Variants in SGCZ observed in about 807,000 individuals in gnomAD.
SGCZ encodes sarcoglycan zeta, also known as zeta-sarcoglycan.
In SGCZ, 40 loss-of-function variants were observed where a neutral mutation model predicts 41.3. The observed-to-expected ratio is 0.97, with a 90% CI of 0.75 to 1.26. The LOEUF is 1.26. SGCZ is among the 50% of genes most tolerant of loss of function. The pLI is 0.00. For synonymous variants in SGCZ, 206 were observed against 137.5 expected, an observed-to-expected ratio of 1.50 and a Z score of -3.49; for missense variants, 552 against 369.8, an observed-to-expected ratio of 1.49 and a Z score of -4.04.
At chr8:14,711,690 A>T (rs1019003029) in intron 1 of SGCZ, among the ~76,000 whole-genome samples, 6 of 151,424 alleles carry the variant, frequency 4.0e-5, no homozygotes, top group Non-Finnish European at 7.4e-5. Context: ...AATAAGTCAT[A>T]TTTACCATGT....
At chr8:14,224,570 T>A (rs1462905115) in intron 4 of SGCZ, among the ~76,000 whole-genome samples, 1 of 151,994 alleles carries the variant, frequency 6.6e-6, no homozygotes, top group Non-Finnish European at 1.5e-5. Flanking sequence ...GAAAGCTCAA[T>A]TATGCTAAAA....
intron 1 of SGCZ, among the ~76,000 whole-genome samples, chr8:15,163,898 G>A (rs549536235): frequency 2.0e-5 from 3 of 152,178 alleles, no homozygotes; most frequent in African/African-American, 7.2e-5. Context: ...GGTGTCCTCA[G>A]AGAAACTCCA....
At chr8:14,299,671 G>A (rs1402604257) in intron 3 of SGCZ, among the ~76,000 whole-genome samples, 1 of 151,784 alleles carries the variant, frequency 6.6e-6, no homozygotes, top group African/African-American at 2.4e-5. Context: ...GTGTTGGCAA[G>A]GTTGTAGAGC....
chr8:14,191,423 G>GT (rs1298900520), intron 4 of SGCZ, among the ~76,000 whole-genome samples: 13 of 152,176 alleles, frequency 8.5e-5, no homozygotes, highest in Non-Finnish European at 1.6e-4. Context: ...ATGTCAAAGA[G>GT]TTTTTCCCCT....
At chr8:15,158,822 G>A (rs1392805815) in intron 1 of SGCZ, among the ~76,000 whole-genome samples, 1 of 152,208 alleles carries the variant, frequency 6.6e-6, no homozygotes, top group Non-Finnish European at 1.5e-5. Flanking sequence ...GATCTAGACA[G>A]GGAGAAAGAT....
chr8:14,290,441 A>G (rs1214992302), intron 3 of SGCZ, among the ~76,000 whole-genome samples: 1 of 152,214 alleles, frequency 6.6e-6, no homozygotes, highest in Non-Finnish European at 1.5e-5. Flanking sequence ...TGCACATCTT[A>G]TAAGGGGCTA....
chr8:14,171,452 C>T (rs969531248), intron 4 of SGCZ, among the ~76,000 whole-genome samples: 1 of 151,916 alleles, frequency 6.6e-6, no homozygotes, highest in African/African-American at 2.4e-5. Flanking sequence ...GAAGTAAAAT[C>T]TGCAGATGTA....
intron 1 of SGCZ, among the ~76,000 whole-genome samples, chr8:15,009,875 T>A (rs1182927342): frequency 2.0e-5 from 3 of 152,220 alleles, no homozygotes; most frequent in African/African-American, 7.2e-5. Context: ...ATTTCCTCTG[T>A]AGCAAATTTA....
intron 4 of SGCZ, among the ~76,000 whole-genome samples, chr8:14,205,621 A>G (rs1360315255): frequency 6.6e-6 from 1 of 152,158 alleles, no homozygotes; most frequent in East Asian, 1.9e-4. Flanking sequence ...AAAGCAAACT[A>G]TATAATCCAA....
At chr8:14,385,850 T>G (rs944810474) in intron 2 of SGCZ, among the ~76,000 whole-genome samples, 2 of 152,056 alleles carry the variant, frequency 1.3e-5, no homozygotes, top group Non-Finnish European at 2.9e-5. Flanking sequence ...GGTTCTAGGA[T>G]CCTCCAGAAT....
At chr8:14,223,815 T>G (rs1806284018) in intron 4 of SGCZ, among the ~76,000 whole-genome samples, 1 of 152,238 alleles carries the variant, frequency 6.6e-6, no homozygotes, top group Non-Finnish European at 1.5e-5. Context: ...AGGGTAACTC[T>G]GAATAAAAAC....
At chr8:15,106,617 A>T (rs1465258417) in intron 1 of SGCZ, among the ~76,000 whole-genome samples, 16 of 152,104 alleles carry the variant, frequency 1.1e-4, no homozygotes, top group Non-Finnish European at 1.5e-5. Context: ...ACTTTATTGA[A>T]ATGTCTTACT....
intron 1 of SGCZ, among the ~76,000 whole-genome samples, chr8:15,167,465 C>A (rs2117054843): frequency 6.6e-6 from 1 of 152,292 alleles, no homozygotes; most frequent in South Asian, 2.1e-4. Context: ...GAGAATTACC[C>A]AACTCAGGTG....
At chr8:14,498,265 GT>G (rs1802050090) in intron 2 of SGCZ, among the ~76,000 whole-genome samples, 1 of 152,022 alleles carries the variant, frequency 6.6e-6, no homozygotes, top group African/African-American at 2.4e-5. Flanking sequence ...TTCTTCTAGA[GT>G]TTAATTTATA....
At chr8:14,898,908 G>C (rs1010347087) in intron 1 of SGCZ, among the ~76,000 whole-genome samples, 3 of 152,134 alleles carry the variant, frequency 2.0e-5, no homozygotes, top group Non-Finnish European at 4.4e-5. Context: ...AAATTGTTCT[G>C]AGAAAATATA....
intron 2 of SGCZ, among the ~76,000 whole-genome samples, chr8:14,534,741 GA>G (rs1803243622): frequency 6.6e-6 from 1 of 151,964 alleles, no homozygotes; most frequent in South Asian, 2.1e-4. Context: ...CTCATTGAAA[GA>G]AAGTACAACT....
At chr8:14,317,125 A>G (rs938889540) in intron 3 of SGCZ, among the ~76,000 whole-genome samples, 1 of 152,090 alleles carries the variant, frequency 6.6e-6, no homozygotes, top group Admixed American at 6.6e-5. Context: ...AATAATGCCT[A>G]TCACATAGTA....
chr8:14,092,286 G>A (rs1360561941), intron 7 of SGCZ, among the ~76,000 whole-genome samples: 1 of 152,000 alleles, frequency 6.6e-6, no homozygotes, highest in Admixed American at 6.6e-5. Context: ...GCTTAGGATT[G>A]TCTTGGTTAT....
rs2117144843 is a variant in SGCZ at position 14,229,842 on chromosome 8, T to C, written c.424+7750A>G. Among the ~76,000 whole-genome samples, 2 of 152,172 alleles carry C rather than the reference T, an allele frequency of 1.3e-5. 1 individual carries two copies. The highest frequency in any genetic ancestry group is 1.3e-4 in the Admixed American group (2 of 15,266). ...TTAAATATTTATTATAAAACCCTCA[T>C]CTACATTTTTTCTCCATTCATTTAG... On this transcript the variant is annotated intron_variant, in intron 4 of 7. Coordinates refer to ENST00000382080, the MANE Select transcript of SGCZ (RefSeq NM_139167.4).
Sources: allele counts gnomAD v4.1 joint callset (sites outside exome capture counted in the v4.1 genomes callset), GRCh38; gene constraint gnomAD v4.1.1; transcripts MANE v1.5; gene names NCBI Gene and HGNC (gene_info 2026-07-23, HGNC 2026-07-21).